Variants in CSMD1 observed in about 807,000 individuals in gnomAD.
CSMD1 encodes CUB and sushi domain-containing protein 1.
Under a neutral mutation model 417.5 loss-of-function variants are expected in CSMD1, and 213 were observed. The observed-to-expected ratio is 0.51, with a 90% CI of 0.46 to 0.57. The LOEUF (loss-of-function observed/expected upper bound fraction) is 0.57. Ranked by LOEUF, CSMD1 falls within the 20% of genes least tolerant of loss-of-function variation. CSMD1 has a pLI of 0.00. For synonymous variants in CSMD1, 2,862 were observed against 1,736.8 expected (o/e 1.65, Z -16.11); for missense variants, 6,923 against 4,529.7 (o/e 1.53, Z -15.17).
chr8:4,770,226 TATATAC>T (rs1796531855), intron 1 of CSMD1, among the ~76,000 whole-genome samples: 1 of 148,584 alleles, frequency 6.7e-6, no homozygotes, highest in South Asian at 2.1e-4. Flanking sequence ...TATATATTCC[TATATAC>T]ATATTCATAT....
At chr8:4,040,830 C>G (rs1404523731) in intron 3 of CSMD1, among the ~76,000 whole-genome samples, 1 of 152,066 alleles carries the variant, frequency 6.6e-6, no homozygotes, top group Non-Finnish European at 1.5e-5. Flanking sequence ...AAGACTTTAG[C>G]AGCTCCGGAC....
chr8:4,031,128 G>T lies in CSMD1; in HGVS notation c.610+777C>A, dbSNP rs115484047. On this transcript the variant is annotated intron_variant, in intron 4 of 69. Coordinates refer to ENST00000635120, the MANE Select transcript of CSMD1 (RefSeq NM_033225.6). Reference sequence around the variant, plus strand: ...TGTCTCCTTCTGAGTCCTCCAAACTGTTCTAAACTCTGCCTGTTATCCAGT... The same window carrying T: ...TGTCTCCTTCTGAGTCCTCCAAACTTTTCTAAACTCTGCCTGTTATCCAGT... 3.8e-3 allele frequency among the ~76,000 whole-genome samples: 584 copies of T among 152,246 alleles called. 3 individuals are homozygous for T. Among genetic ancestry groups the T allele is most frequent in the African/African-American group, 0.014 (562 of 41,530 alleles).
intron 25 of CSMD1, among the ~76,000 whole-genome samples, chr8:3,303,261 C>T (rs1463920599): frequency 7.8e-6 from 1 of 128,086 alleles, no homozygotes; most frequent in Non-Finnish European, 1.9e-5. Context: ...GTATAGTTTT[C>T]TCTTAAGTGT....
intron 2 of CSMD1, among the ~76,000 whole-genome samples, chr8:4,620,346 C>G (rs1794395419): frequency 1.3e-5 from 2 of 151,442 alleles, no homozygotes; most frequent in Non-Finnish European, 3.0e-5. Flanking sequence ...CACATAAAAG[C>G]TACTAACATA....
At chr8:3,876,388 T>C (rs551284084) in intron 5 of CSMD1, among the ~76,000 whole-genome samples, 11 of 152,320 alleles carry the variant, frequency 7.2e-5, no homozygotes, top group African/African-American at 2.4e-4. Flanking sequence ...CTCAATAAAC[T>C]TTCCTGTATT....
intron 6 of CSMD1, among the ~76,000 whole-genome samples, chr8:3,747,505 T>C (rs555126979): frequency 6.6e-6 from 1 of 152,040 alleles, no homozygotes; most frequent in South Asian, 2.1e-4. Flanking sequence ...TTGTTTTTTT[T>C]CCTTTCATGA....
intron 41 of CSMD1, among the ~76,000 whole-genome samples, chr8:3,142,239 G>C (rs1442782477): frequency 6.6e-6 from 1 of 152,178 alleles, no homozygotes; most frequent in Non-Finnish European, 1.5e-5. Flanking sequence ...AATCGGCTCT[G>C]TCTGGGCAGC....
chr8:4,336,409 G>A (rs756176986), intron 3 of CSMD1, among the ~76,000 whole-genome samples: 2 of 152,114 alleles, frequency 1.3e-5, no homozygotes, highest in Non-Finnish European at 2.9e-5. Context: ...CACTCCTGAT[G>A]GAATGACCCT....
intron 10 of CSMD1, among the ~76,000 whole-genome samples, chr8:3,554,410 T>C (rs115243170): frequency 0.035 from 5,303 of 152,134 alleles, 327 homozygotes; most frequent in African/African-American, 0.12. Context: ...AAGCCCCCTC[T>C]GGGGGTCTGG....
At chr8:3,441,811 A>G (rs1298954237) in intron 12 of CSMD1, among the ~76,000 whole-genome samples, 1 of 150,030 alleles carries the variant, frequency 6.7e-6, no homozygotes. Flanking sequence ...TATACTATCC[A>G]TCACTGTTTT....
chr8:3,275,113 G>C (rs1233994171), intron 26 of CSMD1, among the ~76,000 whole-genome samples: 1 of 152,042 alleles, frequency 6.6e-6, no homozygotes, highest in African/African-American at 2.4e-5. Flanking sequence ...AGCTCTGTTA[G>C]TGAAGGCCTG....
intron 49 of CSMD1, among the ~76,000 whole-genome samples, chr8:3,058,467 T>G (rs890361978): frequency 2.0e-5 from 3 of 152,210 alleles, no homozygotes; most frequent in African/African-American, 7.2e-5. Context: ...AGTTAATTTT[T>G]CAATAAACAT....
At chr8:3,743,562 G>C (rs1238725513) in intron 6 of CSMD1, among the ~76,000 whole-genome samples, 1 of 152,228 alleles carries the variant, frequency 6.6e-6, no homozygotes, top group South Asian at 2.1e-4. Context: ...TTAAATCTTG[G>C]GACCTCAAAC....
intron 10 of CSMD1, among the ~76,000 whole-genome samples, chr8:3,550,488 G>C (rs1424326980): frequency 6.6e-6 from 1 of 152,130 alleles, no homozygotes; most frequent in African/African-American, 2.4e-5. Flanking sequence ...TATCGATGGG[G>C]TGCACAGTAA....
chr8:3,927,744 A>G (rs1026381435), intron 5 of CSMD1, among the ~76,000 whole-genome samples: 8 of 152,178 alleles, frequency 5.3e-5, no homozygotes, highest in African/African-American at 1.9e-4. Context: ...AGAAGATGCT[A>G]ATTTGATTGC....
intron 3 of CSMD1, among the ~76,000 whole-genome samples, chr8:4,136,336 G>T (rs546340986): frequency 6.6e-5 from 10 of 152,126 alleles, no homozygotes; most frequent in Admixed American, 1.3e-4. Context: ...ATCTGTTAGT[G>T]ATAATAAAAT....
At chr8:3,207,436 T>G (rs185723210) in intron 30 of CSMD1, among the ~76,000 whole-genome samples, 3 of 151,802 alleles carry the variant, frequency 2.0e-5, no homozygotes, top group African/African-American at 2.4e-5. Flanking sequence ...AGCCACTGAG[T>G]CCGGCCACAA....
intron 3 of CSMD1, among the ~76,000 whole-genome samples, chr8:4,247,170 A>G (rs919330230): frequency 6.6e-6 from 1 of 152,214 alleles, no homozygotes. Context: ...CATCTTTTTT[A>G]TGCTCTATAA....
At chr8:3,399,243 T>C (rs1433957983) in intron 16 of CSMD1, 148 bp downstream of exon 16, 19 of 653,680 alleles carry the variant, frequency 2.9e-5, no homozygotes, top group Non-Finnish European at 4.2e-5. Flanking sequence ...GAACAAAACT[T>C]ACAAGTAAGT....
Sources: allele counts gnomAD v4.1 joint callset (sites outside exome capture counted in the v4.1 genomes callset), GRCh38; gene constraint gnomAD v4.1.1; transcripts MANE v1.5; gene names NCBI Gene and HGNC (gene_info 2026-07-23, HGNC 2026-07-21).